Variants in PYY observed in about 807,000 individuals in gnomAD.
The protein encoded by PYY is peptide YY, also known as peptide tyrosine tyrosine.
PYY carries 12 observed loss-of-function variants against 10.3 expected under a neutral mutation model. The observed-to-expected ratio is 1.17, with a 90% CI of 0.75 to 1.89. The LOEUF is 1.89. Among genes scored for constraint, PYY ranks in the 40% most tolerant of loss-of-function variants. The pLI, the probability that PYY is intolerant of heterozygous loss-of-function variation, is 0.00. For synonymous variants in PYY, 66 were observed against 62.0 expected, an observed-to-expected ratio of 1.06 and a Z score of -0.30; for missense variants, 141 against 134.0, an observed-to-expected ratio of 1.05 and a Z score of -0.26.
intron 1 of PYY, among the ~76,000 whole-genome samples, chr17:43,974,393 A>G (rs1321903059): frequency 6.6e-6 from 1 of 151,880 alleles, no homozygotes; most frequent in East Asian, 1.9e-4. Context: ...GCACCTTTGG[A>G]GGGAGGTGTC....
chr17:43,987,279 TCTC>T lies in PYY; in HGVS notation c.-463+17109_-463+17111del, dbSNP rs1443334366. ...GCCGCTGCTCTCTGACTTAATTACT[TCTC>T]CTCCTGGCTGTAATGAATGTTTCTG... On this transcript the variant is annotated intron_variant, in intron 1 of 6. Coordinates refer to the PYY transcript ENST00000360085. The surrounding 1 kb of genome is among the most constrained non-coding windows in gnomAD (Gnocchi z 4.0). Among the ~76,000 whole-genome samples the T allele has an allele frequency of 6.6e-6, 1 of 152,094 alleles. No individual in the cohort carries two copies. Among genetic ancestry groups the T allele is most frequent in the Admixed American group, 6.6e-5 (1 of 15,266 alleles).
At chr17:43,965,789 CAAAAAAAAAAAAA>C (rs67609128) in intron 2 of PYY, among the ~76,000 whole-genome samples, 13 of 31,932 alleles carry the variant, frequency 4.1e-4, no homozygotes, top group East Asian at 1.6e-3. Context: ...ATCCATCTCA[CAAAAAAAAAAAAA>C]AAAAAAAAAA....
In PYY at chr17:43,953,383, T is replaced by A; in HGVS notation, c.101A>T (p.Glu34Val). ...ALVDAYPIKP[E>V]APREDASPEE... is the part of the protein sequence containing the mutation. The stretch of plus-strand genomic sequence containing the variant: ...CGGCGAGGCGTCTTCGCGGGGAGCC[T>A]CGGGTTTGATGGGGTAGGCGTCGAC... Residue 34 changes from glutamate to valine, a missense_variant, in exon 2 of 4, where the codon GAG (glutamate) becomes GTG (valine). By Grantham distance (121) the Glu-to-Val change is moderately radical. Coordinates refer to ENST00000692052, the MANE Select transcript of PYY (RefSeq NM_001394028.1). The A allele has an allele frequency of 6.2e-7, 1 of 1,612,676 alleles. No homozygotes were observed. The highest frequency in any genetic ancestry group is 8.5e-7 in the Non-Finnish European group (1 of 1,179,510).
At chr17:44,004,054 A>T (rs1490909456) in intron 1 of PYY, among the ~76,000 whole-genome samples, 1 of 152,182 alleles carries the variant, frequency 6.6e-6, no homozygotes, top group Non-Finnish European at 1.5e-5. Context: ...TTCGATAAAG[A>T]AAAGCATTAA....
At chr17:43,955,294 C>T (rs1567925325), upstream of PYY, among the ~76,000 whole-genome samples, 1 of 152,240 alleles carries the variant, frequency 6.6e-6, no homozygotes, top group Non-Finnish European at 1.5e-5. Context: ...GATGTCCCAT[C>T]GGCCCATAGG....
chr17:43,988,282 T>C (rs745978930), intron 1 of PYY, among the ~76,000 whole-genome samples: 2 of 152,168 alleles, frequency 1.3e-5, no homozygotes, highest in Non-Finnish European at 2.9e-5. Context: ...CAGGACGAAA[T>C]GGAATCATCA....
chr17:43,999,712 G>T (rs558360550), intron 1 of PYY, among the ~76,000 whole-genome samples: 1 of 151,096 alleles, frequency 6.6e-6, no homozygotes. Flanking sequence ...AGGTTGCAGT[G>T]AGCTGAGATC....
chr17:43,953,406 G>C lies in PYY; in HGVS notation c.78C>G (p.Val26=). 6.2e-7 allele frequency: 1 copy of C among 1,612,898 alleles called. No individual in the cohort carries two copies. The highest frequency in any genetic ancestry group is 2.2e-5 in the East Asian group (1 of 44,830). Residue 26 remains valine, a synonymous_variant, in exon 2 of 4, where the codon GTC becomes GTG. Transcript: ENST00000692052. ...LALLVCLGAL[V]DAYPIKPEAP... ...CCTCGGGTTTGATGGGGTAGGCGTC[G>C]ACCAGCGCCCCTAGGCAGACGAGCA...
intron 1 of PYY, among the ~76,000 whole-genome samples, chr17:44,003,745 G>A (rs943569315): frequency 6.6e-6 from 1 of 151,428 alleles, no homozygotes; most frequent in African/African-American, 2.4e-5. Context: ...CACCTTGGGA[G>A]GCAGAAGTGG....
intron 1 of PYY, 65 bp from the exon 2 acceptor site, chr17:43,953,548 G>A: frequency 7.0e-7 from 1 of 1,429,120 alleles, no homozygotes; most frequent in Non-Finnish European, 9.3e-7. Flanking sequence ...GGAGGCTGCG[G>A]CTGCCGTCGG....
At chr17:43,998,568 G>T (rs1388694145) in intron 1 of PYY, among the ~76,000 whole-genome samples, 1 of 151,712 alleles carries the variant, frequency 6.6e-6, no homozygotes, top group Non-Finnish European at 1.5e-5. Context: ...AAAAAGAAAA[G>T]AAAAGGAAAA....
chr17:44,000,243 A>G (rs1406346841), intron 1 of PYY, among the ~76,000 whole-genome samples: 1 of 152,184 alleles, frequency 6.6e-6, no homozygotes, highest in Non-Finnish European at 1.5e-5. Flanking sequence ...TCTAGCCATC[A>G]TGCATGCTCA....
intron 1 of PYY, among the ~76,000 whole-genome samples, chr17:43,998,356 G>C (rs12940534): frequency 6.6e-6 from 1 of 151,736 alleles, no homozygotes; most frequent in African/African-American, 2.4e-5. Context: ...TCAAGAGTTC[G>C]AGACCAGCCT....
At chr17:43,965,074 T>C (rs2048744990) in intron 2 of PYY, among the ~76,000 whole-genome samples, 1 of 152,228 alleles carries the variant, frequency 6.6e-6, no homozygotes, top group Non-Finnish European at 1.5e-5. Context: ...AGAAACAATG[T>C]TGAAACCAAT....
intron 1 of PYY, chr17:43,966,608 G>T (rs1459235803): frequency 6.6e-6 from 1 of 152,188 alleles, no homozygotes; most frequent in African/African-American, 2.4e-5. Context: ...ATCGTTTCGT[G>T]TTAATAACTA....
intron 1 of PYY, among the ~76,000 whole-genome samples, chr17:43,978,452 TA>T: frequency 6.6e-6 from 1 of 152,192 alleles, no homozygotes. Flanking sequence ...GCCCAGGAGT[TA>T]AAGACCAGTC....
At chr17:43,976,438 T>C (rs1272654123) in intron 1 of PYY, among the ~76,000 whole-genome samples, 5 of 145,532 alleles carry the variant, frequency 3.4e-5, no homozygotes, top group Non-Finnish European at 6.0e-5. Flanking sequence ...TATACACATA[T>C]ACATGTATAC....
rs752399900 is a variant in PYY at position 43,993,459 on chromosome 17, C to CA, written c.-463+10931dup. Among the ~76,000 whole-genome samples, 661 of 102,596 alleles carry CA rather than the reference C, an allele frequency of 6.4e-3. 1 individual carries two copies. Among genetic ancestry groups the CA allele is most frequent in the African/African-American group, 0.01 (287 of 27,442 alleles). The allele number at this position is 102,596 out of a possible 152,430, so 67.3% of individuals were successfully genotyped here. A position where few individuals can be genotyped will look rare whatever the true frequency, so the allele number is the denominator to read the frequency against. On this transcript the variant is annotated intron_variant, in intron 1 of 6. Transcript: ENST00000360085. The stretch of plus-strand genomic sequence containing the variant: ...GGGAGACAGAGCGCAACTCCATCTC[C>CA]AAAAAAAAAAAAAAAAATTAGCCAG...
chr17:43,953,677 C>T (rs1471531513), intron 1 of PYY, among the ~76,000 whole-genome samples, 173 bp downstream of exon 1: 1 of 152,072 alleles, frequency 6.6e-6, no homozygotes, highest in Non-Finnish European at 1.5e-5. Flanking sequence ...GTCAGAGGAG[C>T]ATAAGCCCTG....
Sources: allele counts gnomAD v4.1 joint callset (sites outside exome capture counted in the v4.1 genomes callset), GRCh38; gene constraint gnomAD v4.1.1; non-coding constraint Gnocchi (gnomAD v3.1); transcripts MANE v1.5; gene names NCBI Gene and HGNC (gene_info 2026-07-23, HGNC 2026-07-21).